Variants in RAB6A observed in about 807,000 individuals in gnomAD.
RAB6A encodes ras-related protein Rab-6A.
Under a neutral mutation model 32.3 loss-of-function variants are expected in RAB6A, and 8 were observed. The ratio of observed to expected loss-of-function variants is 0.25; its 90% CI spans 0.15 to 0.45. The LOEUF is 0.45. Among genes scored for constraint, RAB6A ranks in the 20% least tolerant of loss-of-function variants. RAB6A has a pLI of 1.00. For synonymous variants in RAB6A, 73 were observed against 82.1 expected, an observed-to-expected ratio of 0.89 and a Z score of 0.60; for missense variants, 104 against 249.4, an observed-to-expected ratio of 0.42 and a Z score of 3.93.
chr11:73,707,501 A>C lies in RAB6A; in HGVS notation c.414T>G (p.Ile138Met). The change falls in exon 6 of 8, where the codon ATT becomes ATG. Residue 138 changes from isoleucine (I) to methionine (M), a missense_variant. Transcript: ENST00000336083. ...CTTTGGCTTTCCTCTCTCCCTCCTC[A>C]ATTGACACTTGCCTGTAAAGAAACA... ...TDLADKRQVS[I>M]EEGERKAKEL... The C allele has an allele frequency of 6.2e-7, 1 of 1,611,310 alleles. No homozygotes were observed. Among genetic ancestry groups the C allele is most frequent in the South Asian group, 1.1e-5 (1 of 90,996 alleles).
intron 5 of RAB6A, among the ~76,000 whole-genome samples, chr11:73,714,968 AAAAAG>A (rs2134939188): frequency 6.6e-6 from 1 of 152,320 alleles, no homozygotes; most frequent in African/African-American, 2.4e-5. Context: ...TCCATCCCAA[AAAAAG>A]AAAAGTACCT....
intron 6 of RAB6A, chr11:73,704,103 C>T: frequency 4.0e-6 from 1 of 252,792 alleles, no homozygotes; most frequent in South Asian, 3.9e-5. Context: ...TAAAAATCGA[C>T]CAGGCAGAGG....
At chr11:73,687,920 T>C (rs1034252202) in intron 6 of RAB6A, among the ~76,000 whole-genome samples, 2 of 152,192 alleles carry the variant, frequency 1.3e-5, no homozygotes, top group African/African-American at 4.8e-5. Flanking sequence ...GATTTGCTTG[T>C]TGCTTCCTAA....
chr11:73,685,414 G>A lies in RAB6A; in HGVS notation c.496-5694C>T, dbSNP rs1015816191. On this transcript the variant is annotated intron_variant, in intron 6 of 7. Coordinates refer to ENST00000336083, the MANE Select transcript of RAB6A (RefSeq NM_198896.2). ...AGCTGTTCTCCTGCCTCAGCCTCCC[G>A]AGTAGCTGGGACTACAGGTGCCTGT... 6.2e-5 allele frequency among the ~76,000 whole-genome samples: 9 copies of A among 144,858 alleles called. No homozygotes were observed. In the South Asian group the frequency reaches 9.2e-4, roughly 15 times the overall value.
At chr11:73,733,317 G>A (rs1277368935) in intron 1 of RAB6A, among the ~76,000 whole-genome samples, 1 of 152,100 alleles carries the variant, frequency 6.6e-6, no homozygotes, top group African/African-American at 2.4e-5. Context: ...GGGAGGCTGA[G>A]GCAGGCAGAT....
At chr11:73,757,127 ATATTTTTTT>A (rs1946771297) in intron 1 of RAB6A, among the ~76,000 whole-genome samples, 5 of 38,790 alleles carry the variant, frequency 1.3e-4, no homozygotes, top group African/African-American at 3.8e-4. Flanking sequence ...ATATATATAT[ATATTTTTTT>A]TTTTTTTTTT....
intron 6 of RAB6A, among the ~76,000 whole-genome samples, chr11:73,689,305 T>C (rs990099667): frequency 3.9e-5 from 6 of 152,192 alleles, no homozygotes; most frequent in Non-Finnish European, 7.3e-5. Flanking sequence ...ACTTAGATTC[T>C]TGTAAGGAGT....
intron 1 of RAB6A, among the ~76,000 whole-genome samples, chr11:73,743,042 G>A (rs549720510): frequency 8.5e-5 from 13 of 152,126 alleles, no homozygotes; most frequent in Non-Finnish European, 1.5e-4. Context: ...GGTGGCTCAC[G>A]CCTGTAATCC....
At position 73,720,850 on chromosome 11, in the gene RAB6A, C is replaced by T; in HGVS notation, c.179G>A (p.Arg60Gln). Residue 60 changes from arginine to glutamine, a missense_variant, in exon 3 of 8, where the codon CGA (arginine) becomes CAA (glutamine). Coordinates refer to ENST00000336083, the MANE Select transcript of RAB6A (RefSeq NM_198896.2). ...CACACTGAAAATATTACTCACTGTT[C>T]GATCCTCCAAGTACATAGTTTTTGA... is the stretch of plus-strand genomic sequence containing the variant. ...FLSKTMYLED[R>Q]TVRLQLWDTA... 6.2e-7 allele frequency: 1 copy of T among 1,606,016 alleles called. No homozygotes were observed. The highest frequency in any genetic ancestry group is 8.5e-7 in the Non-Finnish European group (1 of 1,175,694).
chr11:73,700,864 A>G (rs576385095), intron 6 of RAB6A, among the ~76,000 whole-genome samples: 1 of 152,290 alleles, frequency 6.6e-6, no homozygotes, highest in South Asian at 2.1e-4. Flanking sequence ...CAAAATAAAG[A>G]GCAAAAGGGT....
At chr11:73,753,954 T>G (rs1191120335) in intron 1 of RAB6A, among the ~76,000 whole-genome samples, 1 of 152,220 alleles carries the variant, frequency 6.6e-6, no homozygotes, top group Non-Finnish European at 1.5e-5. Context: ...CAATAAAGAT[T>G]TGTTAAATTA....
chr11:73,733,837 A>T (rs1026043342), intron 1 of RAB6A, among the ~76,000 whole-genome samples: 1 of 152,108 alleles, frequency 6.6e-6, no homozygotes, highest in African/African-American at 2.4e-5. Flanking sequence ...GAATCTTCTA[A>T]GTGCTGGTAT....
rs1231105124 is a variant in RAB6A at position 73,733,144 on chromosome 11, T to C, written c.71-2321A>G. 2.0e-5 allele frequency among the ~76,000 whole-genome samples: 3 copies of C among 152,120 alleles called. No homozygotes were observed. The South Asian group carries it at 6.2e-4, about 32-fold the overall frequency. On this transcript the variant is annotated intron_variant, in intron 1 of 7. Coordinates refer to ENST00000336083, the MANE Select transcript of RAB6A (RefSeq NM_198896.2). ...TTTCTTCATGGCATCTGGAAACTTG[T>C]CTTGGTTGGCAGAAGCTGCTTCTGC...
At position 73,692,565 on chromosome 11, in the gene RAB6A, AAG is replaced by A. The variant is rs1479246178; in HGVS notation, c.496-12847_496-12846del. Among the ~76,000 whole-genome samples, 12 of 151,592 alleles carry A rather than the reference AAG, an allele frequency of 7.9e-5. No individual in the cohort carries two copies. The South Asian group carries it at 2.3e-3, about 29-fold the overall frequency. On this transcript the variant is annotated intron_variant, in intron 6 of 7. Coordinates refer to ENST00000336083, the MANE Select transcript of RAB6A (RefSeq NM_198896.2). Reference sequence around the variant, plus strand: ...TCAATTTATTCAGTTCTAATGGAAAAAGAAGTATAAAAGGGATTTCAAACTTA... The same window carrying A: ...TCAATTTATTCAGTTCTAATGGAAAAAAGTATAAAAGGGATTTCAAACTTA...
chr11:73,687,710 A>G (rs758775308), intron 6 of RAB6A, among the ~76,000 whole-genome samples: 1 of 152,204 alleles, frequency 6.6e-6, no homozygotes, highest in Non-Finnish European at 1.5e-5. Flanking sequence ...ACAAAAAATT[A>G]GCCAGGTGTG....
At chr11:73,715,109 C>CT (rs1946033543) in intron 5 of RAB6A, among the ~76,000 whole-genome samples, 9 of 152,044 alleles carry the variant, frequency 5.9e-5, no homozygotes. Flanking sequence ...TTAAGAAAGA[C>CT]TTTTTTGCAA....
chr11:73,710,270 T>C (rs1945934184), intron 5 of RAB6A, among the ~76,000 whole-genome samples: 1 of 150,840 alleles, frequency 6.6e-6, no homozygotes, highest in African/African-American at 2.4e-5. Flanking sequence ...CCGGCCCCCA[T>C]GCTTATATTT....
At chr11:73,719,600 G>A (rs901581723) in intron 3 of RAB6A, among the ~76,000 whole-genome samples, 2 of 151,620 alleles carry the variant, frequency 1.3e-5, no homozygotes, top group Admixed American at 6.6e-5. Context: ...TGATAAAGTC[G>A]TTTCCAAGCT....
At chr11:73,759,647 CAAG>C (rs200040383) in intron 1 of RAB6A, among the ~76,000 whole-genome samples, 13 of 152,184 alleles carry the variant, frequency 8.5e-5, no homozygotes, top group East Asian at 1.9e-4. Flanking sequence ...GGAAAATACT[CAAG>C]AAGGAATGAA....
Sources: allele counts gnomAD v4.1 joint callset (sites outside exome capture counted in the v4.1 genomes callset), GRCh38; gene constraint gnomAD v4.1.1; transcripts MANE v1.5; gene names NCBI Gene and HGNC (gene_info 2026-07-23, HGNC 2026-07-21).